Variants in STK32A observed in about 807,000 individuals in gnomAD.
STK32A encodes serine/threonine kinase 32A.
STK32A carries 41 observed loss-of-function variants against 53.2 expected under a neutral mutation model. The observed-to-expected ratio is 0.77, with a 90% CI of 0.60 to 1.00. The LOEUF (loss-of-function observed/expected upper bound fraction) is 1.00. Ranked by LOEUF, STK32A falls within the 50% of genes least tolerant of loss-of-function variation. The pLI is 0.00. For synonymous variants in STK32A, 166 were observed against 162.8 expected (o/e 1.02, Z -0.15); for missense variants, 458 against 485.8 (o/e 0.94, Z 0.54).
chr5:147,367,953 A>G (rs901900440), intron 8 of STK32A, among the ~76,000 whole-genome samples: 1 of 152,248 alleles, frequency 6.6e-6, no homozygotes, highest in African/African-American at 2.4e-5. Context: ...CAACTCAAGC[A>G]CAGAGGAAGT....
At chr5:147,304,640 G>A (rs1221586733) in intron 4 of STK32A, among the ~76,000 whole-genome samples, 2 of 152,144 alleles carry the variant, frequency 1.3e-5, no homozygotes, top group African/African-American at 4.8e-5. Flanking sequence ...TGGTAGAGGA[G>A]GAAGATTCAG....
At chr5:147,397,816 C>G in the STK32A span, 6 of 1,613,344 alleles carry the variant, frequency 3.7e-6, no homozygotes, top group Non-Finnish European at 5.1e-6. Context: ...CGCGCAGCTC[C>G]ATCCCTTCAA....
chr5:147,371,740 C>T (rs188062344), intron 9 of STK32A, among the ~76,000 whole-genome samples: 2 of 152,270 alleles, frequency 1.3e-5, no homozygotes, highest in Admixed American at 6.5e-5. Context: ...GCTTGTTTGA[C>T]GGTTGTTGAA....
intron 5 of STK32A, among the ~76,000 whole-genome samples, chr5:147,338,070 T>C (rs1755225828): frequency 1.3e-5 from 2 of 152,008 alleles, no homozygotes; most frequent in Admixed American, 1.3e-4. Context: ...TAAGAGGGAA[T>C]TCATCATTAG....
In STK32A at chr5:147,235,852, T is replaced by C. The variant is rs1033260155; in HGVS notation, c.-97+653T>C. ...GACTTTAGGATTAAGGTGGAAATAA[T>C]ATTTCCCTAAAATGCTTTAAAAATA... On this transcript the variant is annotated intron_variant, in intron 1 of 12. Transcript: ENST00000397936. 2.6e-5 allele frequency among the ~76,000 whole-genome samples: 4 copies of C among 152,182 alleles called. No homozygotes were observed. In the East Asian group the frequency reaches 7.7e-4, roughly 29 times the overall value.
At chr5:147,390,428 G>T (rs1339146424), downstream of STK32A, among the ~76,000 whole-genome samples, 1 of 145,392 alleles carries the variant, frequency 6.9e-6, no homozygotes, top group Admixed American at 7.0e-5. Flanking sequence ...TTAAAAAGAA[G>T]CAGAAAATGC....
At chr5:147,271,726 G>A (rs565975336) in intron 2 of STK32A, among the ~76,000 whole-genome samples, 84 of 152,234 alleles carry the variant, frequency 5.5e-4, no homozygotes, top group African/African-American at 1.8e-3. Context: ...CTCCCATAGT[G>A]CTCCCAGGCT....
chr5:147,264,469 C>T (rs989987109), intron 2 of STK32A, among the ~76,000 whole-genome samples: 1 of 152,172 alleles, frequency 6.6e-6, no homozygotes, highest in African/African-American at 2.4e-5. Flanking sequence ...GAAAAGTCAA[C>T]ATGTGTAAAC....
chr5:147,383,778 C>T, intron 12 of STK32A, 112 bp from the exon 13 acceptor site: 1 of 1,072,328 alleles, frequency 9.3e-7, no homozygotes, highest in Non-Finnish European at 1.3e-6. Flanking sequence ...AAAAGATTTC[C>T]TTGGCTCATG....
chr5:147,378,889 A>C (rs1581156511), intron 11 of STK32A, among the ~76,000 whole-genome samples: 1 of 34,872 alleles, frequency 2.9e-5, no homozygotes, highest in Admixed American at 3.8e-4. Flanking sequence ...TTTGCTTAGG[A>C]TTGTCTTGAC....
At chr5:147,345,967 G>A (rs1561736599) in intron 6 of STK32A, among the ~76,000 whole-genome samples, 1 of 152,168 alleles carries the variant, frequency 6.6e-6, no homozygotes, top group Non-Finnish European at 1.5e-5. Flanking sequence ...AAGACTGAGA[G>A]CCATTTTCTA....
At chr5:147,299,866 G>T (rs962868806) in intron 4 of STK32A, among the ~76,000 whole-genome samples, 1 of 152,304 alleles carries the variant, frequency 6.6e-6, no homozygotes, top group South Asian at 2.1e-4. Flanking sequence ...CGATGATAAT[G>T]AGCCAGGCAG....
chr5:147,328,897 A>G (rs1754727498), intron 5 of STK32A, among the ~76,000 whole-genome samples: 1 of 152,218 alleles, frequency 6.6e-6, no homozygotes, highest in Non-Finnish European at 1.5e-5. Flanking sequence ...GATGGATTGT[A>G]TGGGACAATT....
At chr5:147,345,429 C>T (rs2151990262) in intron 6 of STK32A, among the ~76,000 whole-genome samples, 1 of 152,256 alleles carries the variant, frequency 6.6e-6, no homozygotes, top group African/African-American at 2.4e-5. Flanking sequence ...GAAGCTGGGA[C>T]TGCTTCATCT....
chr5:147,249,795 C>T (rs1013056250), intron 2 of STK32A, among the ~76,000 whole-genome samples: 3 of 151,040 alleles, frequency 2.0e-5, no homozygotes, highest in Non-Finnish European at 2.9e-5. Context: ...CACCTGTAAT[C>T]CCAGCTACTC....
intron 2 of STK32A, among the ~76,000 whole-genome samples, chr5:147,248,293 C>A (rs571845841): frequency 1.3e-5 from 2 of 152,184 alleles, no homozygotes; most frequent in South Asian, 4.2e-4. Context: ...CCTCATAATA[C>A]CCTGGCCTTA....
intron 2 of STK32A, among the ~76,000 whole-genome samples, chr5:147,258,028 C>A (rs1754311404): frequency 6.6e-6 from 1 of 151,704 alleles, no homozygotes; most frequent in Non-Finnish European, 1.5e-5. Flanking sequence ...GATTCTTATA[C>A]CAGATAAGCT....
intron 5 of STK32A, among the ~76,000 whole-genome samples, chr5:147,339,808 C>T (rs998008930): frequency 5.9e-5 from 9 of 152,242 alleles, no homozygotes; most frequent in Non-Finnish European, 1.0e-4. Flanking sequence ...TTTGTTTTGG[C>T]CAATTCCTCT....
chr5:147,275,075 G>A (rs1056024074), intron 2 of STK32A, among the ~76,000 whole-genome samples: 20 of 152,006 alleles, frequency 1.3e-4, no homozygotes, highest in African/African-American at 4.1e-4. Flanking sequence ...ATTGATCAAG[G>A]GTTTAAGAAC....
Sources: gnomAD v4.1 joint callset for allele counts (sites outside exome capture counted in the v4.1 genomes callset) on GRCh38, gnomAD v4.1.1 for gene constraint, MANE v1.5 for transcripts, NCBI Gene and HGNC (gene_info 2026-07-23, HGNC 2026-07-21) for gene names.